Variants in ETV1 observed in about 807,000 individuals in gnomAD.
ETV1 encodes the protein ETS translocation variant 1.
ETV1 carries 27 observed loss-of-function variants against 62.3 expected under a neutral mutation model. That is an observed-to-expected ratio of 0.43 (90% CI 0.32 to 0.60). The LOEUF is 0.60. ETV1 is among the 20% of genes least tolerant of loss of function. ETV1 has a pLI of 0.06. For missense variants in ETV1, 605 were observed against 605.8 expected (o/e 1.00, Z 0.01); for synonymous variants, 222 against 199.6 (o/e 1.11, Z -0.94).
intron 6 of ETV1, among the ~76,000 whole-genome samples, chr7:13,958,503 A>T (rs1045029345): frequency 5.9e-5 from 9 of 152,228 alleles, no homozygotes; most frequent in Non-Finnish European, 1.2e-4. Flanking sequence ...TGAGAAGCCC[A>T]GTCGATTATG....
rs1202279825 is a variant in ETV1 at position 13,891,707 on chromosome 7, T to C, written c.*4159A>G. ...CAACTATTACCATCTTTTTGAAACT[T>C]GATTTTTCCAATTCTTAGTAGAATT... On this transcript the variant is annotated 3_prime_UTR_variant, in exon 14 of 14. Transcript: ENST00000430479. 1 of 232,056 alleles carries C rather than the reference T, an allele frequency of 4.3e-6. No individual in the cohort carries two copies. The highest frequency in any genetic ancestry group is 8.5e-6 in the Non-Finnish European group (1 of 117,460). 14.4% of individuals were successfully genotyped at this position (232,056 alleles called of 1,614,324 possible). A position where few individuals can be genotyped will look rare whatever the true frequency, so the allele number is the denominator to read the frequency against.
intron 9 of ETV1, among the ~76,000 whole-genome samples, chr7:13,923,071 G>C (rs1043370851): frequency 3.3e-5 from 5 of 152,130 alleles, no homozygotes; most frequent in African/African-American, 1.2e-4. Context: ...TTAGCCCTCT[G>C]AATGTTGTTA....
intron 6 of ETV1, among the ~76,000 whole-genome samples, chr7:13,966,866 C>A (rs1780341749): frequency 1.3e-5 from 2 of 152,064 alleles, no homozygotes; most frequent in Non-Finnish European, 2.9e-5. Flanking sequence ...AGATATTTTT[C>A]TGACTTTTTT....
intron 6 of ETV1, among the ~76,000 whole-genome samples, chr7:13,963,934 G>A (rs1790474891): frequency 6.6e-6 from 1 of 152,132 alleles, no homozygotes; most frequent in African/African-American, 2.4e-5. Flanking sequence ...ATAAAACTAT[G>A]AATGAAAATA....
At chr7:13,987,215 A>G (rs1782627387) in intron 4 of ETV1, among the ~76,000 whole-genome samples, 1 of 152,158 alleles carries the variant, frequency 6.6e-6, no homozygotes, top group African/African-American at 2.4e-5. Context: ...TTTTTAGAGG[A>G]AAATTTCTAC....
intron 3 of ETV1, 198 bp downstream of exon 3, chr7:13,988,810 A>T: frequency 6.2e-7 from 1 of 1,606,150 alleles, no homozygotes; most frequent in Non-Finnish European, 8.5e-7. Context: ...AAACAAAACT[A>T]TGCCTTATCC....
chr7:13,977,551 A>G, intron 5 of ETV1, 71 bp from the exon 6 acceptor site: 1 of 1,042,762 alleles, frequency 9.6e-7, no homozygotes, highest in Non-Finnish European at 1.4e-6. Context: ...TGTCAAGTAA[A>G]ATCTGTCAAG....
At chr7:13,986,592 C>T in intron 5 of ETV1, 46 bp downstream of exon 5, 1 of 1,607,808 alleles carries the variant, frequency 6.2e-7, no homozygotes. Context: ...TTTTCTTTCT[C>T]CTTCTAGAGT....
chr7:13,958,937 G>C (rs918019226), intron 6 of ETV1: 13 of 151,544 alleles, frequency 8.6e-5, no homozygotes, highest in Non-Finnish European at 1.5e-4. Context: ...CCAGGTTCCT[G>C]TCATTTCTAA....
At chr7:13,962,749 T>C (rs1466876721) in intron 6 of ETV1, among the ~76,000 whole-genome samples, 1 of 152,140 alleles carries the variant, frequency 6.6e-6, no homozygotes, top group African/African-American at 2.4e-5. Flanking sequence ...CTTCAGGGAT[T>C]GCCCACTCCA....
intron 5 of ETV1, among the ~76,000 whole-genome samples, chr7:13,981,768 C>A (rs1004172922): frequency 1.3e-5 from 2 of 151,958 alleles, no homozygotes; most frequent in African/African-American, 4.8e-5. Context: ...AACTTTGTAG[C>A]ATTTCTCTTT....
At chr7:13,913,874 ACCT>A (rs1185306829) in intron 9 of ETV1, among the ~76,000 whole-genome samples, 1 of 125,284 alleles carries the variant, frequency 8.0e-6, no homozygotes, top group African/African-American at 3.0e-5. Context: ...ATTTGGGGGT[ACCT>A]CTTTTTTTTT....
chr7:13,906,930 A>C (rs1048058365), intron 11 of ETV1, among the ~76,000 whole-genome samples: 1 of 152,098 alleles, frequency 6.6e-6, no homozygotes, highest in Non-Finnish European at 1.5e-5. Flanking sequence ...ATCGTATCTA[A>C]TCAGACTTCT....
intron 6 of ETV1, among the ~76,000 whole-genome samples, chr7:13,948,124 C>T (rs1788385688): frequency 6.6e-6 from 1 of 152,166 alleles, no homozygotes; most frequent in Non-Finnish European, 1.5e-5. Flanking sequence ...AAATTCACAC[C>T]ACTCATATTC....
intron 4 of ETV1, among the ~76,000 whole-genome samples, chr7:13,987,729 T>G (rs775385314): frequency 1.6e-4 from 25 of 152,316 alleles, no homozygotes; most frequent in African/African-American, 5.3e-4. Context: ...AAGTAAGCAG[T>G]GTACATAGCT....
intron 12 of ETV1, among the ~76,000 whole-genome samples, chr7:13,901,901 A>T (rs937649685): frequency 3.3e-5 from 5 of 152,132 alleles, no homozygotes; most frequent in Non-Finnish European, 5.9e-5. Flanking sequence ...GTGGCTTTGG[A>T]GGAGCAATGT....
intron 13 of ETV1, among the ~76,000 whole-genome samples, chr7:13,896,789 A>AAAGG (rs1554288533): frequency 6.6e-6 from 1 of 151,286 alleles, no homozygotes; most frequent in African/African-American, 2.4e-5. Flanking sequence ...AGAAAGAAAG[A>AAAGG]AAGGATACAC....
intron 5 of ETV1, among the ~76,000 whole-genome samples, chr7:13,985,144 C>A (rs542707202): frequency 1.3e-5 from 2 of 152,102 alleles, no homozygotes; most frequent in South Asian, 4.1e-4. Context: ...CAAATAAATT[C>A]TCTCATAAAG....
chr7:13,937,442 T>G (rs1583702541), intron 7 of ETV1, among the ~76,000 whole-genome samples: 1 of 152,310 alleles, frequency 6.6e-6, no homozygotes, highest in East Asian at 1.9e-4. Context: ...GTACCAGAAT[T>G]TATTGCATAT....
Sources: gnomAD v4.1 joint callset for allele counts (sites outside exome capture counted in the v4.1 genomes callset) on GRCh38, gnomAD v4.1.1 for gene constraint, MANE v1.5 for transcripts, NCBI Gene and HGNC (gene_info 2026-07-23, HGNC 2026-07-21) for gene names.